ZEB2: variants seen among roughly 807,000 people sequenced by gnomAD.
ZEB2 encodes zinc finger E-box binding homeobox 2, also known as zinc finger E-box-binding homeobox 2.
ZEB2 carries 6 observed loss-of-function variants against 99.9 expected under a neutral mutation model. The observed-to-expected ratio is 0.06, with a 90% CI of 0.03 to 0.12. The LOEUF (loss-of-function observed/expected upper bound fraction) is 0.12. Among genes scored for constraint, ZEB2 ranks in the 10% least tolerant of loss-of-function variants. The pLI, the probability that ZEB2 is intolerant of heterozygous loss-of-function variation, is 1.00. For synonymous variants in ZEB2, 517 were observed against 542.5 expected (o/e 0.95, Z 0.65); for missense variants, 969 against 1,502.8 (o/e 0.64, Z 5.87).
chr2:144,472,331 C>T (rs1159002230), intron 2 of ZEB2, among the ~76,000 whole-genome samples: 1 of 151,982 alleles, frequency 6.6e-6, no homozygotes, highest in East Asian at 1.9e-4. Context: ...TAACTTTGCC[C>T]TGATTTCTAA....
At chr2:144,517,676 T>A in intron 1 of ZEB2, 1 of 697,382 alleles carries the variant, frequency 1.4e-6, no homozygotes, top group Non-Finnish European at 2.6e-6. Flanking sequence ...AAATGAGTCA[T>A]AACTCCTGAC....
chr2:144,398,937 A>C lies in ZEB2; in HGVS notation c.2250T>G (p.Ser750Arg). The C allele has an allele frequency of 6.2e-7, 1 of 1,614,154 alleles. No individual in the cohort carries two copies. The highest frequency in any genetic ancestry group is 1.1e-5 in the South Asian group (1 of 91,084). ...TSPSIAELHNSVTNCDPPLRL... is the reference protein window; with the variant it reads ...TSPSIAELHNRVTNCDPPLRL... Reference sequence around the variant, plus strand: ...TGAGAGGAGGATCACAATTCGTAACACTGTTGTGGAGTTCTGCTATAGATG... The same window carrying C: ...TGAGAGGAGGATCACAATTCGTAACCCTGTTGTGGAGTTCTGCTATAGATG... Residue 750 changes from serine to arginine, a missense_variant, in exon 8 of 10, where the codon AGT (serine) becomes AGG (arginine). Physicochemically the swap from Ser to Arg is moderately radical, Grantham distance 110 (BLOSUM62 -1). This residue lies in a region of ZEB2 where 346 missense variants were observed against 460.0 expected (regional missense o/e 0.75). Coordinates refer to ENST00000627532, the MANE Select transcript of ZEB2 (RefSeq NM_014795.4).
intron 2 of ZEB2, among the ~76,000 whole-genome samples, chr2:144,501,218 A>G (rs893841647): frequency 3.3e-5 from 5 of 152,152 alleles, no homozygotes; most frequent in African/African-American, 9.7e-5. Flanking sequence ...CCCACTCCCA[A>G]TCTCAGGAAC....
intron 5 of ZEB2, 128 bp from the exon 6 acceptor site, chr2:144,404,258 T>C (rs1361709206): frequency 5.7e-6 from 6 of 1,055,800 alleles, no homozygotes; most frequent in Non-Finnish European, 8.5e-6. Flanking sequence ...AGTGCCATCA[T>C]TGCACCCGGC....
At chr2:144,424,999 A>T in intron 3 of ZEB2, 132 bp from the exon 4 acceptor site, 1 of 902,458 alleles carries the variant, frequency 1.1e-6, no homozygotes. Flanking sequence ...CCTCTAAACA[A>T]TAGCTTTGTT....
intron 2 of ZEB2, among the ~76,000 whole-genome samples, chr2:144,517,017 G>A (rs1396266354): frequency 1.3e-5 from 2 of 149,648 alleles, no homozygotes; most frequent in Non-Finnish European, 1.5e-5. Flanking sequence ...CAGCGGGGCT[G>A]GGGGCGCGGG....
chr2:144,418,081 A>C (rs925389989), intron 4 of ZEB2, among the ~76,000 whole-genome samples: 2 of 152,198 alleles, frequency 1.3e-5, no homozygotes, highest in Non-Finnish European at 2.9e-5. Flanking sequence ...AAATACTACT[A>C]AATCCTCCTC....
intron 2 of ZEB2, among the ~76,000 whole-genome samples, chr2:144,486,968 T>G (rs974290461): frequency 6.6e-6 from 1 of 152,218 alleles, no homozygotes; most frequent in Non-Finnish European, 1.5e-5. Flanking sequence ...ATGGTATTAT[T>G]AAATGTTAGG....
At chr2:144,471,973 T>G (rs1010376316) in intron 2 of ZEB2, among the ~76,000 whole-genome samples, 1 of 152,160 alleles carries the variant, frequency 6.6e-6, no homozygotes. Flanking sequence ...TCTCCTGATG[T>G]GAGATCTAAA....
intron 2 of ZEB2, among the ~76,000 whole-genome samples, chr2:144,442,537 TA>T (rs918404757): frequency 1.5e-4 from 23 of 152,170 alleles, no homozygotes; most frequent in Admixed American, 6.5e-4. Context: ...ATTCTTCAAA[TA>T]TTTTTTGCAA....
Position 144,517,033 on chromosome 2 carries a change from G to A in ZEB2, c.73+245C>T, listed in dbSNP as rs1282363952. ...AGCGGGGCTGGGGGCGCGGGGCCCC[G>A]GCCGGACCCCCGCGCTCGGACCCCC... is the stretch of plus-strand genomic sequence containing the variant. On this transcript the variant is annotated intron_variant, in intron 2 of 9. Transcript: ENST00000627532. 3.3e-5 allele frequency among the ~76,000 whole-genome samples: 5 copies of A among 149,274 alleles called. No homozygotes were observed. The South Asian group carries it at 6.3e-4, about 19-fold the overall frequency.
intron 2 of ZEB2, among the ~76,000 whole-genome samples, chr2:144,497,114 C>T (rs1451697853): frequency 1.3e-5 from 2 of 152,190 alleles, no homozygotes; most frequent in Non-Finnish European, 2.9e-5. Flanking sequence ...GCCCAGCGTG[C>T]TGTGCCCTCA....
chr2:144,421,770 A>G (rs1703621794), intron 4 of ZEB2, among the ~76,000 whole-genome samples: 1 of 151,536 alleles, frequency 6.6e-6, no homozygotes, highest in Admixed American at 6.6e-5. Flanking sequence ...TAAATCTCAT[A>G]GTCCTGTGTG....
At chr2:144,517,883 C>T (rs1355060049) in intron 1 of ZEB2, 5 of 497,618 alleles carry the variant, frequency 1.0e-5, no homozygotes, top group Non-Finnish European at 1.4e-5. Context: ...GCGAAACAGC[C>T]CCTGGATGAA....
chr2:144,518,141 A>T (rs1705196105), intron 1 of ZEB2: 1 of 129,106 alleles, frequency 7.7e-6, no homozygotes, highest in Non-Finnish European at 1.5e-5. Context: ...CACCTCACTC[A>T]CACACATGCT....
chr2:144,496,503 C>T (rs1196191301), intron 2 of ZEB2: 1 of 152,192 alleles, frequency 6.6e-6, no homozygotes, highest in Non-Finnish European at 1.5e-5. Flanking sequence ...TCACTATTCA[C>T]TCAGAGAAAC....
chr2:144,494,219 T>G (rs1042594109), intron 2 of ZEB2: 8 of 147,828 alleles, frequency 5.4e-5, no homozygotes, highest in African/African-American at 2.0e-4. Flanking sequence ...ATTTCACACA[T>G]GCACAGACCC....
intron 4 of ZEB2, among the ~76,000 whole-genome samples, chr2:144,417,468 T>A (rs1439392802): frequency 6.6e-6 from 1 of 152,196 alleles, no homozygotes; most frequent in South Asian, 2.1e-4. Context: ...GAGAACAGCT[T>A]TTTAGATTCC....
Position 144,403,909 on chromosome 2 carries a change from C to A in ZEB2, c.807+7G>T. ...TAGAAAGAAATCACTTAAAACCATC[C>A]CCCCACCTGATCTGTCCCTGGCTTG... On this transcript the variant is annotated splice_region_variant and intron_variant, in intron 6 of 9. Transcript: ENST00000627532. 1.2e-6 allele frequency: 2 copies of A among 1,614,056 alleles called. No homozygotes were observed. Among genetic ancestry groups the A allele is most frequent in the Non-Finnish European group, 1.7e-6 (2 of 1,180,012 alleles).
Sources: allele counts gnomAD v4.1 joint callset (sites outside exome capture counted in the v4.1 genomes callset), GRCh38; gene constraint gnomAD v4.1.1; regional missense constraint gnomAD v4.1.1; transcripts MANE v1.5; gene names NCBI Gene and HGNC (gene_info 2026-07-23, HGNC 2026-07-21).